SORCS1: variants seen among roughly 807,000 people sequenced by gnomAD.
SORCS1 encodes sortilin related VPS10 domain containing receptor 1, also known as VPS10 domain-containing receptor SorCS1.
In SORCS1, 60 loss-of-function variants were observed where a neutral mutation model predicts 146.1. The observed-to-expected ratio is 0.41, with a 90% CI of 0.33 to 0.51. The LOEUF (loss-of-function observed/expected upper bound fraction) is 0.51. Ranked by LOEUF, SORCS1 falls within the 20% of genes least tolerant of loss-of-function variation. The pLI is 0.21. For synonymous variants in SORCS1, 637 were observed against 584.0 expected, an observed-to-expected ratio of 1.09 and a Z score of -1.31; for missense variants, 1,352 against 1,487.6, an observed-to-expected ratio of 0.91 and a Z score of 1.50.
intron 1 of SORCS1, among the ~76,000 whole-genome samples, chr10:107,000,328 A>G (rs1433796807): frequency 6.6e-6 from 1 of 152,084 alleles, no homozygotes; most frequent in Non-Finnish European, 1.5e-5. Context: ...GGCTGGGCAC[A>G]ATGGCTCATG....
At chr10:107,161,902 A>T (rs909069827) in intron 1 of SORCS1, among the ~76,000 whole-genome samples, 1 of 152,174 alleles carries the variant, frequency 6.6e-6, no homozygotes, top group Non-Finnish European at 1.5e-5. Flanking sequence ...GGGTCAGCAG[A>T]GGTCTTTATG....
At chr10:107,003,429 AGT>A (rs59467041) in intron 1 of SORCS1, among the ~76,000 whole-genome samples, 14,108 of 140,274 alleles carry the variant, frequency 0.1, 657 homozygotes, top group South Asian at 0.16. Context: ...AATTCCCATA[AGT>A]GTGTGTGTGT....
At chr10:107,146,197 C>T (rs1466770855) in intron 1 of SORCS1, among the ~76,000 whole-genome samples, 1 of 152,172 alleles carries the variant, frequency 6.6e-6, no homozygotes, top group African/African-American at 2.4e-5. Flanking sequence ...ATGTCCATCA[C>T]ATACACCCAC....
intron 1 of SORCS1, among the ~76,000 whole-genome samples, chr10:107,132,797 C>T (rs926805517): frequency 1.3e-5 from 2 of 152,096 alleles, no homozygotes; most frequent in African/African-American, 4.8e-5. Flanking sequence ...TCAACAGCCC[C>T]GTTGTTACTC....
At chr10:106,708,245 G>GGGGT (rs548867982) in intron 7 of SORCS1, among the ~76,000 whole-genome samples, 16 of 148,700 alleles carry the variant, frequency 1.1e-4, no homozygotes, top group African/African-American at 3.7e-4. Flanking sequence ...ATAAAGAAAT[G>GGGGT]GTGTGTGTGT....
chr10:107,025,674 C>T (rs901302166), intron 1 of SORCS1, among the ~76,000 whole-genome samples: 8 of 152,170 alleles, frequency 5.3e-5, no homozygotes, highest in Admixed American at 4.6e-4. Context: ...AAAACTTTGA[C>T]ACGTTTTAGG....
At position 106,741,567 on chromosome 10, in the gene SORCS1, C is replaced by T. The variant is rs1053818450; in HGVS notation, c.960-11453G>A. ...GAGCCAAGATTGCGTCACTGCAATC[C>T]GGCCTGGGTGACAGAGTGAGACTCT... On this transcript the variant is annotated intron_variant, in intron 5 of 25. Transcript: ENST00000263054. Among the ~76,000 whole-genome samples the T allele has an allele frequency of 5.7e-4, 87 of 151,752 alleles. 3 individuals carry two copies. Among genetic ancestry groups the T allele is most frequent in the African/African-American group, 9.7e-5 (4 of 41,314 alleles).
intron 5 of SORCS1, among the ~76,000 whole-genome samples, chr10:106,758,784 G>A (rs965626908): frequency 1.3e-5 from 2 of 152,308 alleles, no homozygotes; most frequent in South Asian, 2.1e-4. Flanking sequence ...GATTCAGTAA[G>A]AGACAGAGTT....
intron 13 of SORCS1, 126 bp downstream of exon 13, chr10:106,677,187 A>G (rs1160392588): frequency 1.1e-5 from 10 of 874,540 alleles, no homozygotes; most frequent in Admixed American, 2.2e-5. Flanking sequence ...GACCTGAACC[A>G]AACCTCGGCA....
chr10:106,915,362 C>A (rs748450925), intron 2 of SORCS1, among the ~76,000 whole-genome samples: 6 of 152,128 alleles, frequency 3.9e-5, no homozygotes, highest in African/African-American at 7.2e-5. Context: ...ACCAATAAAA[C>A]CTTAGCTTAT....
intron 6 of SORCS1, among the ~76,000 whole-genome samples, chr10:106,710,514 T>C (rs1222163989): frequency 4.6e-5 from 7 of 151,768 alleles, no homozygotes; most frequent in South Asian, 4.2e-4. Flanking sequence ...ATTGAATCAG[T>C]TGAGACCCTG....
At chr10:106,785,832 GA>G (rs1200818807) in intron 3 of SORCS1, among the ~76,000 whole-genome samples, 3 of 152,150 alleles carry the variant, frequency 2.0e-5, no homozygotes, top group Non-Finnish European at 2.9e-5. Context: ...CATCCAGGAG[GA>G]AGCCTCTCAT....
chr10:107,163,807 T>C (rs1013223952), intron 1 of SORCS1, among the ~76,000 whole-genome samples, 162 bp downstream of exon 1: 1 of 152,128 alleles, frequency 6.6e-6, no homozygotes, highest in South Asian at 2.1e-4. Context: ...GTTGGTCTCC[T>C]AGTAGGTGAT....
At chr10:106,879,022 C>T (rs1335383332) in intron 2 of SORCS1, among the ~76,000 whole-genome samples, 3 of 151,530 alleles carry the variant, frequency 2.0e-5, no homozygotes, top group South Asian at 2.1e-4. Context: ...TGGTGGTGGG[C>T]GCCTGTAGTC....
intron 5 of SORCS1, among the ~76,000 whole-genome samples, chr10:106,730,621 T>C (rs1564907019): frequency 6.6e-6 from 1 of 152,194 alleles, no homozygotes; most frequent in Non-Finnish European, 1.5e-5. Context: ...TTCTCTGTAT[T>C]GTCGAACCCG....
At chr10:106,659,503 G>A (rs1418115979) in intron 17 of SORCS1, among the ~76,000 whole-genome samples, 2 of 152,154 alleles carry the variant, frequency 1.3e-5, no homozygotes, top group African/African-American at 4.8e-5. Flanking sequence ...TCTATCTTTT[G>A]AGGGCCTACA....
At chr10:106,728,937 T>A (rs1428282048) in intron 6 of SORCS1, among the ~76,000 whole-genome samples, 1 of 152,178 alleles carries the variant, frequency 6.6e-6, no homozygotes, top group African/African-American at 2.4e-5. Flanking sequence ...TTTCTCCCTG[T>A]CTTTTCTCCC....
chr10:106,971,317 T>C (rs1955776644), intron 1 of SORCS1, among the ~76,000 whole-genome samples: 2 of 152,172 alleles, frequency 1.3e-5, no homozygotes, highest in South Asian at 4.1e-4. Context: ...ATATGTAATA[T>C]CCTCTTGCTG....
intron 6 of SORCS1, among the ~76,000 whole-genome samples, chr10:106,711,524 C>A (rs1485037602): frequency 6.6e-6 from 1 of 152,154 alleles, no homozygotes; most frequent in Non-Finnish European, 1.5e-5. Flanking sequence ...GGGCGGCATG[C>A]ACTCTTGCTC....
Sources: allele counts gnomAD v4.1 joint callset (sites outside exome capture counted in the v4.1 genomes callset), GRCh38; gene constraint gnomAD v4.1.1; transcripts MANE v1.5; gene names NCBI Gene and HGNC (gene_info 2026-07-23, HGNC 2026-07-21).